Variants in SLC24A3 observed in about 807,000 individuals in gnomAD.
SLC24A3 encodes solute carrier family 24 member 3.
In SLC24A3, 28 loss-of-function variants were observed where a neutral mutation model predicts 75.8. The observed-to-expected ratio is 0.37, with a 90% CI of 0.27 to 0.51. The LOEUF (loss-of-function observed/expected upper bound fraction) is 0.51. Among genes scored for constraint, SLC24A3 ranks in the 20% least tolerant of loss-of-function variants. The probability of loss-of-function intolerance (pLI) is 0.94; values close to 1 mark genes in which losing one functional copy is unlikely to be tolerated. For synonymous variants in SLC24A3, 372 were observed against 334.1 expected, an observed-to-expected ratio of 1.11 and a Z score of -1.24; for missense variants, 663 against 847.8, an observed-to-expected ratio of 0.78 and a Z score of 2.71.
intron 1 of SLC24A3, 101 bp downstream of exon 1, chr20:19,213,085 C>G: frequency 3.5e-6 from 4 of 1,128,762 alleles, no homozygotes; most frequent in Non-Finnish European, 4.4e-6. Context: ...GGCCGGAGCC[C>G]CAGGATAAGC....
chr20:19,485,768 A>ACACC (rs760273855), intron 2 of SLC24A3, among the ~76,000 whole-genome samples: 202 of 152,282 alleles, frequency 1.3e-3, no homozygotes, highest in Middle Eastern at 6.8e-3. Flanking sequence ...CTCCCAAAAC[A>ACACC]CACCTGCTCC....
intron 6 of SLC24A3, among the ~76,000 whole-genome samples, chr20:19,627,716 A>G (rs1387200587): frequency 6.6e-6 from 1 of 152,210 alleles, no homozygotes; most frequent in African/African-American, 2.4e-5. Context: ...GAGGAACACC[A>G]TGGTGCCCAC....
In SLC24A3 at chr20:19,246,880, A is replaced by C. The variant is rs532607952; in HGVS notation, c.142+33896A>C. Among the ~76,000 whole-genome samples the C allele has an allele frequency of 4.6e-5, 7 of 152,260 alleles. No individual in the cohort carries two copies. The East Asian group carries it at 1.4e-3, about 29-fold the overall frequency. The stretch of plus-strand genomic sequence containing the variant: ...GCAAAGCAGGGCTAGTAGGGAGTAA[A>C]GAGTATTTATCAAAACCTGAAAGTA... On this transcript the variant is annotated intron_variant, in intron 1 of 16. Transcript: ENST00000328041.
chr20:19,699,002 C>T (rs574827668), intron 15 of SLC24A3, among the ~76,000 whole-genome samples: 4 of 152,324 alleles, frequency 2.6e-5, no homozygotes, highest in African/African-American at 9.6e-5. Flanking sequence ...AATAACCAAA[C>T]GGGCATGTCT....
intron 2 of SLC24A3, among the ~76,000 whole-genome samples, chr20:19,295,443 G>C (rs1275943182): frequency 6.6e-6 from 1 of 152,146 alleles, no homozygotes; most frequent in Non-Finnish European, 1.5e-5. Flanking sequence ...GTTTTTAAGG[G>C]GAATGCTTCC....
intron 15 of SLC24A3, among the ~76,000 whole-genome samples, chr20:19,702,984 A>G (rs974072288): frequency 5.9e-5 from 9 of 152,224 alleles, no homozygotes; most frequent in Non-Finnish European, 1.2e-4. Flanking sequence ...AACTTCCACT[A>G]TTTGGAAAAG....
At chr20:19,719,296 C>T (rs75402989) in intron 16 of SLC24A3, among the ~76,000 whole-genome samples, 42 of 152,176 alleles carry the variant, frequency 2.8e-4, no homozygotes, top group East Asian at 1.7e-3. Flanking sequence ...AGGAGAAAAA[C>T]GGAAATTCAG....
chr20:19,467,411 G>T (rs188570288), intron 2 of SLC24A3, among the ~76,000 whole-genome samples: 1 of 152,138 alleles, frequency 6.6e-6, no homozygotes, highest in Non-Finnish European at 1.5e-5. Flanking sequence ...GAATAGATTT[G>T]GGGGAAATTT....
At chr20:19,673,134 CGTCT>C (rs2032488022) in intron 8 of SLC24A3, among the ~76,000 whole-genome samples, 1 of 152,126 alleles carries the variant, frequency 6.6e-6, no homozygotes, top group Non-Finnish European at 1.5e-5. Context: ...GCCCAGGTTC[CGTCT>C]GTCTGTCTGC....
At chr20:19,578,809 T>C (rs1259957661) in intron 3 of SLC24A3, among the ~76,000 whole-genome samples, 1 of 152,154 alleles carries the variant, frequency 6.6e-6, no homozygotes, top group Non-Finnish European at 1.5e-5. Context: ...TGGTATGTTA[T>C]GAAGTCAAGA....
At chr20:19,565,749 G>A (rs948366331) in intron 3 of SLC24A3, among the ~76,000 whole-genome samples, 1 of 152,116 alleles carries the variant, frequency 6.6e-6, no homozygotes, top group Non-Finnish European at 1.5e-5. Flanking sequence ...GAATGGGATG[G>A]TGACCAGACA....
chr20:19,712,414 A>T (rs2033002015), intron 15 of SLC24A3, among the ~76,000 whole-genome samples: 1 of 152,070 alleles, frequency 6.6e-6, no homozygotes, highest in Non-Finnish European at 1.5e-5. Flanking sequence ...AAGCAGGACG[A>T]CATCAGCACC....
intron 2 of SLC24A3, among the ~76,000 whole-genome samples, chr20:19,346,418 GGT>G (rs1254056582): frequency 2.1e-5 from 3 of 143,652 alleles, no homozygotes; most frequent in African/African-American, 7.8e-5. Context: ...GTATATATAT[GGT>G]GTGTGTATAT....
intron 2 of SLC24A3, among the ~76,000 whole-genome samples, chr20:19,400,363 T>C (rs1300216704): frequency 6.6e-6 from 1 of 152,192 alleles, no homozygotes; most frequent in African/African-American, 2.4e-5. Context: ...CAATGCTCAC[T>C]GGGGCTAATT....
intron 1 of SLC24A3, among the ~76,000 whole-genome samples, chr20:19,218,788 G>T (rs1464731204): frequency 6.6e-6 from 1 of 151,856 alleles, no homozygotes; most frequent in African/African-American, 2.4e-5. Flanking sequence ...GGTGGAAGAT[G>T]GCTGATAGGA....
Position 19,554,427 on chromosome 20 carries a change from G to A in SLC24A3, c.349-25573G>A, listed in dbSNP as rs181826672. On this transcript the variant is annotated intron_variant, in intron 3 of 16. Coordinates refer to ENST00000328041, the MANE Select transcript of SLC24A3 (RefSeq NM_020689.4). ...GGAAGTGCTTCTAACAGAGTTTGTG[G>A]AGAGAAGAGAAAAGGTGGAAGAGAG... is the stretch of plus-strand genomic sequence containing the variant. Among the ~76,000 whole-genome samples the A allele has an allele frequency of 1.4e-3, 207 of 152,240 alleles. 1 individual carries two copies. The highest frequency in any genetic ancestry group is 1.6e-3 in the Non-Finnish European group (111 of 68,010).
chr20:19,332,426 C>T (rs536807037), intron 2 of SLC24A3, among the ~76,000 whole-genome samples: 41 of 152,280 alleles, frequency 2.7e-4, no homozygotes, highest in African/African-American at 9.4e-4. Flanking sequence ...GATTCCGGCA[C>T]ACCATCTTTT....
intron 7 of SLC24A3, among the ~76,000 whole-genome samples, chr20:19,664,329 C>T (rs2032372625): frequency 6.6e-6 from 1 of 152,102 alleles, no homozygotes; most frequent in Non-Finnish European, 1.5e-5. Context: ...GAGATTGTTG[C>T]CTTTATTTCT....
intron 1 of SLC24A3, among the ~76,000 whole-genome samples, chr20:19,222,797 C>CTTCCTTCG (rs1555782151): frequency 7.1e-6 from 1 of 141,374 alleles, no homozygotes; most frequent in African/African-American, 2.6e-5. Flanking sequence ...TCCTTCCTTC[C>CTTCCTTCG]TTCCTTCCTT....
Sources: gnomAD v4.1 joint callset for allele counts (sites outside exome capture counted in the v4.1 genomes callset) on GRCh38, gnomAD v4.1.1 for gene constraint, MANE v1.5 for transcripts, NCBI Gene and HGNC (gene_info 2026-07-23, HGNC 2026-07-21) for gene names.